The following ATP2A2 variants were observed in gnomAD, a reference collection of about 807,000 sequenced individuals.
ATP2A2 encodes the protein sarcoplasmic/endoplasmic reticulum calcium ATPase 2.
ATP2A2 carries 14 observed loss-of-function variants against 109.3 expected under a neutral mutation model. That is an observed-to-expected ratio of 0.13 (90% confidence interval 0.08 to 0.20). ATP2A2 has a LOEUF of 0.20. Ranked by LOEUF, ATP2A2 falls within the 10% of genes least tolerant of loss-of-function variation. The pLI, the probability that ATP2A2 is intolerant of heterozygous loss-of-function variation, is 1.00. For missense variants in ATP2A2, 657 were observed against 1,321.6 expected (o/e 0.50, Z 7.80); for synonymous variants, 506 against 490.9 (o/e 1.03, Z -0.41).
chr12:110,346,891 G>A lies in ATP2A2; in HGVS notation c.*421G>A, dbSNP rs866847883. 3.9e-5 allele frequency: 42 copies of A among 1,084,702 alleles called. No individual in the cohort carries two copies. The highest frequency in any genetic ancestry group is 7.7e-5 in the South Asian group (3 of 38,938). 67.2% of individuals were successfully genotyped at this position (1,084,702 alleles called of 1,614,324 possible). On this transcript the variant is annotated 3_prime_UTR_variant, in exon 20 of 20. Transcript: ENST00000539276. ...TATTGTGTCTTTTGCATGATGATCC[G>A]GATTTAATTTGATATCACAGTCTAA...
At position 110,341,044 on chromosome 12, in the gene ATP2A2, G is replaced by A. The variant is rs370757890; in HGVS notation, c.2097+50G>A. The A allele has an allele frequency of 1.7e-5, 27 of 1,594,422 alleles. No homozygotes were observed. The African/African-American group carries it at 3.2e-4, about 19-fold the overall frequency. On this transcript the variant is annotated intron_variant, in intron 14 of 19. Transcript: ENST00000539276. Reference sequence around the variant, plus strand: ...GTGACTCAGGCTACACAAGCACATAGTAGCCTCTAATTTTGACCACTGAAT... The same window carrying A: ...GTGACTCAGGCTACACAAGCACATAATAGCCTCTAATTTTGACCACTGAAT...
In ATP2A2 at chr12:110,342,570, G is replaced by A. The variant is rs1879458982; in HGVS notation, c.2318+122G>A. 4.2e-6 allele frequency: 5 copies of A among 1,196,376 alleles called. No individual in the cohort carries two copies. Among genetic ancestry groups the A allele is most frequent in the Non-Finnish European group, 6.0e-6 (5 of 828,180 alleles). The allele number at this position is 1,196,376 out of a possible 1,614,324, so 74.1% of individuals were successfully genotyped here. ...TGGTCTTTGTGCCTGAGTTGGAAGA[G>A]GGGAGTGGGCAAGACAGAAATGCCT... is the stretch of plus-strand genomic sequence containing the variant. On this transcript the variant is annotated intron_variant, in intron 15 of 19. Coordinates refer to ENST00000539276, the MANE Select transcript of ATP2A2 (RefSeq NM_170665.4). The surrounding 1 kb of genome is among the most constrained non-coding windows in gnomAD (Gnocchi z 4.6).
intron 3 of ATP2A2, among the ~76,000 whole-genome samples, chr12:110,283,341 CCT>C (rs1872343062): frequency 1.3e-5 from 2 of 152,194 alleles, no homozygotes; most frequent in African/African-American, 2.4e-5. Flanking sequence ...AAATTGGACC[CCT>C]GTCTTAAGTG....
chr12:110,332,804 T>C (rs902226552), intron 9 of ATP2A2, 119 bp downstream of exon 9: 7 of 913,350 alleles, frequency 7.7e-6, no homozygotes, highest in East Asian at 2.4e-5. Context: ...TCAACACTTA[T>C]TACTAAAGTA....
intron 11 of ATP2A2, among the ~76,000 whole-genome samples, chr12:110,334,516 A>G (rs543763168): frequency 7.3e-5 from 11 of 150,206 alleles, no homozygotes; most frequent in African/African-American, 2.7e-4. Flanking sequence ...GTGTCTTTCT[A>G]TCTTGAAACT....
chr12:110,301,061 C>T (rs984850424), intron 5 of ATP2A2, among the ~76,000 whole-genome samples: 1 of 151,978 alleles, frequency 6.6e-6, no homozygotes, highest in Admixed American at 6.6e-5. Flanking sequence ...GAGACAGAGT[C>T]TAGCTATGTT....
intron 11 of ATP2A2, among the ~76,000 whole-genome samples, chr12:110,338,387 C>G (rs1355346037): frequency 6.6e-6 from 1 of 152,228 alleles, no homozygotes; most frequent in Non-Finnish European, 1.5e-5. Context: ...TTGGGGCCAT[C>G]TCTTCACCTC....
chr12:110,291,163 C>A (rs528044855), intron 3 of ATP2A2, among the ~76,000 whole-genome samples: 2 of 151,584 alleles, frequency 1.3e-5, no homozygotes, highest in Non-Finnish European at 2.9e-5. Context: ...CCGCCTTGGC[C>A]TCCCAAAGTG....
intron 5 of ATP2A2, among the ~76,000 whole-genome samples, chr12:110,312,743 G>C (rs866607601): frequency 4.7e-4 from 72 of 151,622 alleles, no homozygotes; most frequent in African/African-American, 1.6e-3. Flanking sequence ...CTAGCTACTT[G>C]GGTGGCTGAG....
chr12:110,334,183 C>A (rs892276937), intron 11 of ATP2A2, 40 bp downstream of exon 11: 2 of 1,610,622 alleles, frequency 1.2e-6, no homozygotes, highest in African/African-American at 2.7e-5. Context: ...TGCTGCTTAT[C>A]AGTCGTACTA....
chr12:110,346,455 T>C lies in ATP2A2; in HGVS notation c.3114T>C (p.Asp1038=), dbSNP rs1276755356. The C allele has an allele frequency of 6.2e-7, 1 of 1,614,146 alleles. No individual in the cohort carries two copies. The highest frequency in any genetic ancestry group is 8.5e-7 in the Non-Finnish European group (1 of 1,180,048). Residue 1038 remains aspartate (D), a synonymous_variant, in exon 20 of 20, where the codon GAT becomes GAC. Transcript: ENST00000539276. Reference sequence around the variant, plus strand: ...ATAGCACAGACACTAACTTTAGCGATATGTTCTGGTCTTGACTGACAGTTT... The same window carrying C: ...ATAGCACAGACACTAACTTTAGCGACATGTTCTGGTCTTGACTGACAGTTT... The part of the protein sequence containing the change: ...WVYSTDTNFS[D]MFWS
intron 3 of ATP2A2, among the ~76,000 whole-genome samples, chr12:110,285,843 ACC>A (rs1406147231): frequency 6.6e-6 from 1 of 151,338 alleles, no homozygotes; most frequent in African/African-American, 2.4e-5. Context: ...GTACTTCTCA[ACC>A]TTTAGGTTAC....
chr12:110,343,220 G>A lies in ATP2A2; in HGVS notation c.2319-12G>A, dbSNP rs369489819. 7.5e-4 allele frequency: 1,204 copies of A among 1,613,246 alleles called. No homozygotes were observed. Among genetic ancestry groups the A allele is most frequent in the Non-Finnish European group, 9.7e-4 (1,147 of 1,179,656 alleles). On this transcript the variant is annotated splice_polypyrimidine_tract_variant and intron_variant, in intron 15 of 19. Transcript: ENST00000539276. ...TGGGCTCTCTTTGTCTTCTTTTCTT[G>A]ATTGGAAACAGTATTTTCCTGACAG...
At chr12:110,332,831 C>G in intron 9 of ATP2A2, 146 bp downstream of exon 9, 1 of 833,310 alleles carries the variant, frequency 1.2e-6, no homozygotes, top group East Asian at 2.4e-5. Context: ...GTTTTTAAAA[C>G]AAAAACTTTG....
intron 4 of ATP2A2, among the ~76,000 whole-genome samples, chr12:110,293,106 G>A (rs551699742): frequency 1.3e-5 from 2 of 151,998 alleles, no homozygotes; most frequent in East Asian, 1.9e-4. Context: ...TTTTGAGACC[G>A]ACTCTCTGTC....
Position 110,339,220 on chromosome 12 carries a change from T to A in ATP2A2, c.1420-61T>A. 1 of 1,604,964 alleles carries A rather than the reference T, an allele frequency of 6.2e-7. No individual in the cohort carries two copies. Among genetic ancestry groups the A allele is most frequent in the Non-Finnish European group, 8.5e-7 (1 of 1,173,668 alleles). ...TCATGTAATAGGTGTGCTTACTGCT[T>A]GTTAGGTAAAAAAGTTCAGAAATTG... is the stretch of plus-strand genomic sequence containing the variant. On this transcript the variant is annotated intron_variant, in intron 11 of 19. Transcript: ENST00000539276. This position sits in a 1 kb window ranked among gnomAD's most constrained non-coding sequence, Gnocchi z 4.4.
At chr12:110,303,350 C>T (rs963849478) in intron 5 of ATP2A2, among the ~76,000 whole-genome samples, 18 of 152,284 alleles carry the variant, frequency 1.2e-4, no homozygotes, top group Admixed American at 9.8e-4. Context: ...GCTTCAGTCT[C>T]CCGAGTAGCT....
chr12:110,297,222 G>A (rs935871125), intron 5 of ATP2A2, among the ~76,000 whole-genome samples: 8 of 152,004 alleles, frequency 5.3e-5, no homozygotes, highest in South Asian at 2.1e-4. Context: ...GGCAGATCAC[G>A]AGGTCAAGAG....
At position 110,349,601 on chromosome 12, in the gene ATP2A2, C is replaced by G; in HGVS notation, c.*3131C>G. 1.0e-6 allele frequency: 1 copy of G among 986,526 alleles called. No individual in the cohort carries two copies. The highest frequency in any genetic ancestry group is 1.2e-6 in the Non-Finnish European group (1 of 830,674). The allele number at this position is 986,526 out of a possible 1,614,324, so 61.1% of individuals were successfully genotyped here. ...ACAGCTGCTCCCACATCCCCTCGGA[C>G]TGGAGCTTCAGCCCTGACTGAGGTG... On this transcript the variant is annotated 3_prime_UTR_variant, in exon 20 of 20. Transcript: ENST00000539276.
Sources: allele counts gnomAD v4.1 joint callset (sites outside exome capture counted in the v4.1 genomes callset), GRCh38; gene constraint gnomAD v4.1.1; non-coding constraint Gnocchi (gnomAD v3.1); transcripts MANE v1.5; gene names NCBI Gene and HGNC (gene_info 2026-07-23, HGNC 2026-07-21).